Variants in GLRA2 observed in about 807,000 individuals in gnomAD.
The protein encoded by GLRA2 is glycine receptor alpha 2.
Under a neutral mutation model 31.6 loss-of-function variants are expected in GLRA2, and 11 were observed. That is an observed-to-expected ratio of 0.35 (90% CI 0.22 to 0.58). The LOEUF is 0.58. Ranked by LOEUF, GLRA2 falls within the 20% of genes least tolerant of loss-of-function variation. The probability of loss-of-function intolerance (pLI) is 0.84; values close to 1 mark genes in which losing one functional copy is unlikely to be tolerated. For missense variants in GLRA2, 212 were observed against 351.8 expected, an observed-to-expected ratio of 0.60 and a Z score of 3.18; for synonymous variants, 132 against 134.0, an observed-to-expected ratio of 0.99 and a Z score of 0.10.
chrX:14,500,821 A>G, the GLRA2 span, among the ~76,000 whole-genome samples: 1 of 110,882 alleles, frequency 9.0e-6, no homozygotes. Flanking sequence ...GATCATCTTG[A>G]CACTGTATAT....
At chrX:14,561,695 C>A (rs2089735588) in intron 2 of GLRA2, among the ~76,000 whole-genome samples, 1 of 112,329 alleles carries the variant, frequency 8.9e-6, no homozygotes, top group Non-Finnish European at 1.9e-5. Flanking sequence ...TATCTGCAGA[C>A]TAGAGAATCA....
the GLRA2 span, among the ~76,000 whole-genome samples, chrX:14,469,146 C>T: frequency 4.5e-5 from 5 of 111,309 alleles, no homozygotes; most frequent in African/African-American, 1.6e-4. Flanking sequence ...GTTTCTTTTG[C>T]TGTGCAGAAG....
At chrX:14,576,064 T>TAAA (rs76368177) in intron 3 of GLRA2, among the ~76,000 whole-genome samples, 1 of 88,506 alleles carries the variant, frequency 1.1e-5, no homozygotes. Context: ...CATTGAGAAG[T>TAAA]AAAAAAAAAA....
intron 8 of GLRA2, among the ~76,000 whole-genome samples, chrX:14,691,425 G>C (rs543830998): frequency 3.9e-4 from 43 of 110,914 alleles, no homozygotes; most frequent in African/African-American, 1.3e-3. Flanking sequence ...ATTGCAACAT[G>C]ATAAATCCAG....
intron 7 of GLRA2, among the ~76,000 whole-genome samples, chrX:14,644,909 A>G (rs1029834607): frequency 8.9e-6 from 1 of 111,803 alleles, no homozygotes; most frequent in Non-Finnish European, 1.9e-5. Context: ...CTTATCTTCT[A>G]CCTTTCTAGT....
At chrX:14,674,984 A>T (rs1314648661) in intron 7 of GLRA2, among the ~76,000 whole-genome samples, 2 of 112,194 alleles carry the variant, frequency 1.8e-5, no homozygotes, top group Non-Finnish European at 3.8e-5. Flanking sequence ...CTTGTTAGAT[A>T]ATAAACATAC....
intron 8 of GLRA2, among the ~76,000 whole-genome samples, chrX:14,714,982 G>A (rs1426141089): frequency 8.9e-6 from 1 of 111,828 alleles, no homozygotes; most frequent in Non-Finnish European, 1.9e-5. Context: ...TGATAAGATC[G>A]AAATTTATTT....
chrX:14,695,338 T>C (rs931192769), intron 8 of GLRA2, among the ~76,000 whole-genome samples: 8 of 111,617 alleles, frequency 7.2e-5, no homozygotes, highest in African/African-American at 2.6e-4. Flanking sequence ...CATGGGGGGA[T>C]ATATTTTTTC....
At chrX:14,559,353 T>C (rs1294447610) in intron 2 of GLRA2, among the ~76,000 whole-genome samples, 1 of 109,551 alleles carries the variant, frequency 9.1e-6, no homozygotes, top group Non-Finnish European at 1.9e-5. Context: ...CGATACATAA[T>C]TTACGGTGAA....
At chrX:14,668,337 CAAGTCAGT>C (rs2091055090) in intron 7 of GLRA2, among the ~76,000 whole-genome samples, 1 of 112,123 alleles carries the variant, frequency 8.9e-6, no homozygotes. Flanking sequence ...TTGTTAGAAA[CAAGTCAGT>C]AGGTCAGCCC....
the GLRA2 span, among the ~76,000 whole-genome samples, chrX:14,516,264 C>T: frequency 4.5e-5 from 5 of 111,533 alleles, no homozygotes; most frequent in African/African-American, 1.6e-4. Context: ...TGTCTGGGAT[C>T]AAAAGGTACT....
At chrX:14,672,454 C>T (rs1280851877) in intron 7 of GLRA2, among the ~76,000 whole-genome samples, 1 of 112,434 alleles carries the variant, frequency 8.9e-6, no homozygotes, top group Admixed American at 9.4e-5. Flanking sequence ...TACACATCTA[C>T]TTATGTCATT....
At chrX:14,549,535 A>G (rs968828083) in intron 2 of GLRA2, among the ~76,000 whole-genome samples, 1 of 111,678 alleles carries the variant, frequency 9.0e-6, no homozygotes, top group Non-Finnish European at 1.9e-5. Context: ...GGGAGTGGCA[A>G]TGGGTTAGAA....
At position 14,678,930 on chromosome X, in the gene GLRA2, G is replaced by A. The variant is rs150369711; in HGVS notation, c.931-11780G>A. ...TAAACCGGTGACATCTAAGGTGGCT[G>A]CAGAAGGTATAGTCTTAAGGGCCTC... On this transcript the variant is annotated intron_variant, in intron 7 of 8. Coordinates refer to ENST00000218075, the MANE Select transcript of GLRA2 (RefSeq NM_002063.4). Among the ~76,000 whole-genome samples, 27 of 111,547 alleles carry A rather than the reference G, an allele frequency of 2.4e-4. No homozygotes were observed. The East Asian group carries it at 7.3e-3, about 30-fold the overall frequency.
chrX:14,562,293 C>T (rs1017296610), intron 2 of GLRA2, among the ~76,000 whole-genome samples: 1 of 112,099 alleles, frequency 8.9e-6, no homozygotes, highest in Non-Finnish European at 1.9e-5. Context: ...AAGGTAACTT[C>T]GAAATGGTAG....
the GLRA2 span, among the ~76,000 whole-genome samples, chrX:14,478,733 A>G: frequency 8.9e-6 from 1 of 112,290 alleles, no homozygotes. Context: ...CACTATGGTG[A>G]TAATTTCATA....
the GLRA2 span, among the ~76,000 whole-genome samples, chrX:14,483,691 TA>T: frequency 1.8e-5 from 2 of 112,017 alleles, no homozygotes; most frequent in African/African-American, 6.5e-5. Flanking sequence ...ATTGCATTTT[TA>T]AAAAGTGTGG....
At chrX:14,678,198 G>A (rs2091164342) in intron 7 of GLRA2, among the ~76,000 whole-genome samples, 1 of 112,469 alleles carries the variant, frequency 8.9e-6, no homozygotes, top group African/African-American at 3.2e-5. Context: ...CCAAGCTTGT[G>A]TTATGAAAGA....
chrX:14,510,779 G>C, the GLRA2 span, among the ~76,000 whole-genome samples: 1 of 111,331 alleles, frequency 9.0e-6, no homozygotes, highest in Non-Finnish European at 1.9e-5. Flanking sequence ...ATACTTAAGT[G>C]GCTTCTGGAG....
Sources: allele counts gnomAD v4.1 joint callset (sites outside exome capture counted in the v4.1 genomes callset), GRCh38; gene constraint gnomAD v4.1.1; transcripts MANE v1.5; gene names NCBI Gene and HGNC (gene_info 2026-07-23, HGNC 2026-07-21).